CSMD1: variants seen among roughly 807,000 people sequenced by gnomAD.
The protein encoded by CSMD1 is CUB and sushi domain-containing protein 1.
Under a neutral mutation model 417.5 loss-of-function variants are expected in CSMD1, and 213 were observed. That is an observed-to-expected ratio of 0.51 (90% CI 0.46 to 0.57). The LOEUF (loss-of-function observed/expected upper bound fraction) is 0.57. Ranked by LOEUF, CSMD1 falls within the 20% of genes least tolerant of loss-of-function variation. CSMD1 has a pLI of 0.00. For missense variants in CSMD1, 6,923 were observed against 4,529.7 expected, an observed-to-expected ratio of 1.53 and a Z score of -15.17; for synonymous variants, 2,862 against 1,736.8, an observed-to-expected ratio of 1.65 and a Z score of -16.11.
chr8:3,362,140 A>G (rs945410778), intron 20 of CSMD1, among the ~76,000 whole-genome samples: 3 of 152,246 alleles, frequency 2.0e-5, no homozygotes, highest in Non-Finnish European at 4.4e-5. Context: ...CTTAAGAATG[A>G]GATAAACAAC....
At position 3,881,623 on chromosome 8, in the gene CSMD1, CA is replaced by C. The variant is rs1334678283; in HGVS notation, c.818+116279del. 6.2e-4 allele frequency among the ~76,000 whole-genome samples: 77 copies of C among 124,778 alleles called. 1 individual carries two copies. The highest frequency in any genetic ancestry group is 1.1e-3 in the Admixed American group (14 of 13,004). The allele number at this position is 124,778 out of a possible 152,430, so 81.9% of individuals were successfully genotyped here. ...GACTCCATCTCAAAAAAAAAAAAAACAAAAACAAAAACAAACAAACAAACAA... is the reference window on the plus strand; with the variant it reads ...GACTCCATCTCAAAAAAAAAAAAAACAAAACAAAAACAAACAAACAAACAA... On this transcript the variant is annotated intron_variant, in intron 5 of 69. Coordinates refer to ENST00000635120, the MANE Select transcript of CSMD1 (RefSeq NM_033225.6).
At chr8:3,300,377 C>T (rs552092625) in intron 25 of CSMD1, among the ~76,000 whole-genome samples, 26 of 151,770 alleles carry the variant, frequency 1.7e-4, no homozygotes, top group Admixed American at 7.2e-4. Context: ...TTTTCTGCAG[C>T]ACTTTATTAT....
intron 5 of CSMD1, among the ~76,000 whole-genome samples, chr8:3,860,422 T>G (rs920301268): frequency 1.3e-5 from 2 of 152,198 alleles, no homozygotes; most frequent in East Asian, 3.9e-4. Flanking sequence ...TCTATGTTAC[T>G]AAAACAATAA....
intron 68 of CSMD1, among the ~76,000 whole-genome samples, chr8:2,948,799 A>G (rs1802425251): frequency 6.6e-6 from 1 of 152,122 alleles, no homozygotes; most frequent in South Asian, 2.1e-4. Flanking sequence ...CCATACATCC[A>G]TCAAAATTAA....
intron 10 of CSMD1, among the ~76,000 whole-genome samples, chr8:3,563,442 T>TAAAAAAAAAAAAA (rs60108067): frequency 1.6e-5 from 1 of 62,784 alleles, no homozygotes; most frequent in African/African-American, 5.9e-5. Flanking sequence ...TATTAAAAGG[T>TAAAAAAAAAAAAA]AAAAAAAAAA....
At chr8:4,573,907 G>C (rs955215782) in intron 2 of CSMD1, among the ~76,000 whole-genome samples, 3 of 152,208 alleles carry the variant, frequency 2.0e-5, no homozygotes, top group African/African-American at 7.2e-5. Flanking sequence ...CTTCCTGGCA[G>C]CTATGTTTAC....
intron 1 of CSMD1, among the ~76,000 whole-genome samples, chr8:4,945,782 G>A (rs1178967037): frequency 2.0e-5 from 3 of 152,096 alleles, no homozygotes; most frequent in South Asian, 2.1e-4. Context: ...ACTGGAGAAT[G>A]GTGACGGATG....
chr8:4,453,810 G>GTTTTT (rs1392324658), intron 2 of CSMD1, among the ~76,000 whole-genome samples: 18 of 93,032 alleles, frequency 1.9e-4, no homozygotes, highest in South Asian at 4.1e-4. Flanking sequence ...TGCGCAATTC[G>GTTTTT]TTTCTTTTTT....
intron 1 of CSMD1, among the ~76,000 whole-genome samples, chr8:4,728,178 G>T (rs1809596357): frequency 6.9e-6 from 1 of 145,892 alleles, no homozygotes; most frequent in Non-Finnish European, 1.5e-5. Context: ...ATATTTATTT[G>T]GCATTTATAT....
At chr8:4,823,164 TG>T (rs1310118945) in intron 1 of CSMD1, among the ~76,000 whole-genome samples, 1 of 152,116 alleles carries the variant, frequency 6.6e-6, no homozygotes, top group Admixed American at 6.6e-5. Context: ...TCACAACTGC[TG>T]GTTCCTGTCA....
At chr8:4,817,487 C>G (rs1799274108) in intron 1 of CSMD1, among the ~76,000 whole-genome samples, 1 of 152,206 alleles carries the variant, frequency 6.6e-6, no homozygotes, top group Admixed American at 6.5e-5. Flanking sequence ...AAGGGCACGT[C>G]CAATGATCCA....
At chr8:4,247,083 G>A (rs900242909) in intron 3 of CSMD1, among the ~76,000 whole-genome samples, 1 of 152,132 alleles carries the variant, frequency 6.6e-6, no homozygotes, top group Non-Finnish European at 1.5e-5. Context: ...CTACCCCATG[G>A]GTTGTACGGT....
intron 3 of CSMD1, among the ~76,000 whole-genome samples, chr8:4,235,360 GT>G (rs150464000): frequency 0.011 from 1,596 of 148,718 alleles, 29 homozygotes; most frequent in African/African-American, 0.038. Context: ...GACGTGTTTT[GT>G]TTTTTTTTTG....
chr8:4,424,725 G>A (rs1797445415), intron 2 of CSMD1, among the ~76,000 whole-genome samples: 1 of 152,014 alleles, frequency 6.6e-6, no homozygotes, highest in African/African-American at 2.4e-5. Flanking sequence ...CTCTGCATTT[G>A]CCCTAGAAAT....
chr8:4,480,817 C>T (rs1725118), intron 2 of CSMD1, among the ~76,000 whole-genome samples: 2,110 of 152,072 alleles, frequency 0.014, 46 homozygotes, highest in African/African-American at 0.048. Context: ...TTCCTGAGGC[C>T]GACTGCCACA....
chr8:3,565,844 T>G (rs568436376), intron 10 of CSMD1, among the ~76,000 whole-genome samples: 1 of 152,128 alleles, frequency 6.6e-6, no homozygotes, highest in African/African-American at 2.4e-5. Context: ...CCAAATGACA[T>G]GCAAGCATCT....
At chr8:3,347,635 C>T (rs1033844143) in intron 22 of CSMD1, among the ~76,000 whole-genome samples, 2 of 152,188 alleles carry the variant, frequency 1.3e-5, no homozygotes, top group South Asian at 2.1e-4. Flanking sequence ...ATGCTAGGAA[C>T]ATCCACTTAT....
intron 1 of CSMD1, among the ~76,000 whole-genome samples, chr8:4,730,420 G>C (rs1809766785): frequency 6.6e-6 from 1 of 152,072 alleles, no homozygotes; most frequent in Non-Finnish European, 1.5e-5. Context: ...GTTAGGTGGG[G>C]TCATTCAAAG....
At chr8:4,805,151 T>C (rs951780446) in intron 1 of CSMD1, among the ~76,000 whole-genome samples, 1 of 152,228 alleles carries the variant, frequency 6.6e-6, no homozygotes, top group Non-Finnish European at 1.5e-5. Flanking sequence ...GACGATGTTT[T>C]TTCCCCCTGG....
Sources: allele counts gnomAD v4.1 joint callset (sites outside exome capture counted in the v4.1 genomes callset), GRCh38; gene constraint gnomAD v4.1.1; transcripts MANE v1.5; gene names NCBI Gene and HGNC (gene_info 2026-07-23, HGNC 2026-07-21).